GRIN2B: variants seen among roughly 807,000 people sequenced by gnomAD.
GRIN2B encodes glutamate ionotropic receptor NMDA type subunit 2B.
Under a neutral mutation model 114.5 loss-of-function variants are expected in GRIN2B, and 5 were observed. That is an observed-to-expected ratio of 0.04 (90% confidence interval 0.02 to 0.09). GRIN2B has a LOEUF of 0.09. GRIN2B is among the 10% of genes least tolerant of loss of function. The pLI, the probability that GRIN2B is intolerant of heterozygous loss-of-function variation, is 1.00. For synonymous variants in GRIN2B, 787 were observed against 745.1 expected, an observed-to-expected ratio of 1.06 and a Z score of -0.92; for missense variants, 1,108 against 1,943.5, an observed-to-expected ratio of 0.57 and a Z score of 8.08.
chr12:13,757,150 T>C (rs1863590196), intron 3 of GRIN2B, among the ~76,000 whole-genome samples: 1 of 152,240 alleles, frequency 6.6e-6, no homozygotes, highest in Non-Finnish European at 1.5e-5. Flanking sequence ...GGATGCTTTA[T>C]ATGACCATTT....
At chr12:13,858,339 C>A (rs928242255) in intron 3 of GRIN2B, among the ~76,000 whole-genome samples, 1 of 152,042 alleles carries the variant, frequency 6.6e-6, no homozygotes, top group African/African-American at 2.4e-5. Flanking sequence ...AGCAATAAAC[C>A]TTTATTGTAC....
At chr12:13,607,326 T>C (rs1260248102) in intron 10 of GRIN2B, among the ~76,000 whole-genome samples, 2 of 52,658 alleles carry the variant, frequency 3.8e-5, no homozygotes, top group Non-Finnish European at 6.8e-5. Context: ...ATAAAATATA[T>C]AATATATATT....
At chr12:13,675,484 AAAAC>A (rs1950064498) in intron 5 of GRIN2B, among the ~76,000 whole-genome samples, 1 of 152,164 alleles carries the variant, frequency 6.6e-6, no homozygotes, top group African/African-American at 2.4e-5. Context: ...CTCTCCCACA[AAAAC>A]AAAGTCAAGA....
intron 5 of GRIN2B, among the ~76,000 whole-genome samples, chr12:13,624,265 T>C (rs1414767808): frequency 1.3e-5 from 2 of 152,212 alleles, no homozygotes; most frequent in Non-Finnish European, 2.9e-5. Context: ...GAATAACAAC[T>C]ATGTTCTCAG....
chr12:13,932,101 C>T (rs1407540786), intron 2 of GRIN2B, among the ~76,000 whole-genome samples: 1 of 152,150 alleles, frequency 6.6e-6, no homozygotes, highest in Non-Finnish European at 1.5e-5. Context: ...TGATTCAGTT[C>T]CTATCTATCT....
chr12:13,746,012 G>A (rs1414387707), intron 4 of GRIN2B, among the ~76,000 whole-genome samples: 2 of 151,832 alleles, frequency 1.3e-5, no homozygotes, highest in African/African-American at 4.8e-5. Context: ...GAATTCTGCT[G>A]GGAGGAGGGA....
At chr12:13,630,931 T>G (rs1949610643) in intron 5 of GRIN2B, among the ~76,000 whole-genome samples, 1 of 152,098 alleles carries the variant, frequency 6.6e-6, no homozygotes, top group African/African-American at 2.4e-5. Flanking sequence ...AAACTCAAAA[T>G]CATGGTGGAA....
intron 2 of GRIN2B, among the ~76,000 whole-genome samples, chr12:13,947,316 G>T (rs533668875): frequency 6.6e-6 from 1 of 152,108 alleles, no homozygotes; most frequent in Non-Finnish European, 1.5e-5. Flanking sequence ...ACTGAGGCTC[G>T]CCATGTGAAT....
At chr12:13,821,450 A>T (rs1394578739) in intron 3 of GRIN2B, among the ~76,000 whole-genome samples, 1 of 152,224 alleles carries the variant, frequency 6.6e-6, no homozygotes, top group Non-Finnish European at 1.5e-5. Context: ...TGTCTGAAAG[A>T]TGCCTCATAT....
Position 13,543,626 on chromosome 12 carries a change from C to A in GRIN2B, c.*19157G>T, listed in dbSNP as rs574912464. On this transcript the variant is annotated 3_prime_UTR_variant, in exon 14 of 14. Coordinates refer to ENST00000609686, the MANE Select transcript of GRIN2B (RefSeq NM_000834.5). Reference sequence around the variant, plus strand: ...TAAAAACTCAAATAATTCCTTTATGCCCCCTAGCATGTCTCCTATATTTTT... The same window carrying A: ...TAAAAACTCAAATAATTCCTTTATGACCCCTAGCATGTCTCCTATATTTTT... The A allele has an allele frequency of 6.6e-6, 1 of 152,222 alleles. No individual in the cohort carries two copies. Among genetic ancestry groups the A allele is most frequent in the African/African-American group, 2.4e-5 (1 of 41,528 alleles). The allele number at this position is 152,222 out of a possible 1,614,324, so 9.4% of individuals were successfully genotyped here.
In GRIN2B at chr12:13,547,981, A is replaced by ATATATATATTTTTTTTTTTTTT; in HGVS notation, c.*14801_*14802insAAAAAAAAAAAAAATATATATA. 5.8e-5 allele frequency: 4 copies of ATATATATATTTTTTTTTTTTTT among 68,588 alleles called. No individual in the cohort carries two copies. Among genetic ancestry groups the ATATATATATTTTTTTTTTTTTT allele is most frequent in the South Asian group, 7.3e-4 (1 of 1,378 alleles). The allele number at this position is 68,588 out of a possible 1,614,324, so 4.2% of individuals were successfully genotyped here. On this transcript the variant is annotated 3_prime_UTR_variant, in exon 14 of 14. Coordinates refer to ENST00000609686, the MANE Select transcript of GRIN2B (RefSeq NM_000834.5). ...TGTGTATATATATATATATATATAT[A>ATATATATATTTTTTTTTTTTTT]TTTTTTTTTTTTTTCTGAAAGCTAC...
chr12:13,713,977 T>G (rs1478923668), intron 4 of GRIN2B, among the ~76,000 whole-genome samples: 1 of 151,876 alleles, frequency 6.6e-6, no homozygotes, highest in Non-Finnish European at 1.5e-5. Flanking sequence ...CAGTTTCTGT[T>G]TAGCATAGAC....
chr12:13,755,824 A>C (rs889010635), intron 3 of GRIN2B, among the ~76,000 whole-genome samples: 3 of 152,168 alleles, frequency 2.0e-5, no homozygotes, highest in Non-Finnish European at 4.4e-5. Flanking sequence ...GTATCAAGAG[A>C]TGAGTGAGGC....
chr12:13,971,288 T>C (rs754887892), intron 2 of GRIN2B, among the ~76,000 whole-genome samples: 8 of 152,190 alleles, frequency 5.3e-5, no homozygotes, highest in Middle Eastern at 3.2e-3. Flanking sequence ...TTTTATTCTT[T>C]TATAGTTTGT....
At position 13,893,520 on chromosome 12, in the gene GRIN2B, C is replaced by T. The variant is rs1195084281; in HGVS notation, c.-18-27294G>A. Among the ~76,000 whole-genome samples, 6 of 152,120 alleles carry T rather than the reference C, an allele frequency of 3.9e-5. No homozygotes were observed. The East Asian group carries it at 9.7e-4, about 25-fold the overall frequency. On this transcript the variant is annotated intron_variant, in intron 2 of 13. Transcript: ENST00000609686. ...ACCAAAATATTGGATGATAAATGTT[C>T]ATAAATTATTTGTTTAATCATTATT...
chr12:13,551,210 C>A lies in GRIN2B; in HGVS notation c.*11573G>T, dbSNP rs550364678. 4 of 152,212 alleles carry A rather than the reference C, an allele frequency of 2.6e-5. No individual in the cohort carries two copies. The highest frequency in any genetic ancestry group is 9.6e-5 in the African/African-American group (4 of 41,546). 9.4% of individuals were successfully genotyped at this position (152,212 alleles called of 1,614,324 possible). ...TGAGAATAGGGATTCTCAAGGAATT[C>A]TCCTACCCTTATTCCTCCCATTGAG... On this transcript the variant is annotated 3_prime_UTR_variant, in exon 14 of 14. Coordinates refer to ENST00000609686, the MANE Select transcript of GRIN2B (RefSeq NM_000834.5).
At chr12:13,965,580 C>CGT (rs1565603259) in intron 2 of GRIN2B, among the ~76,000 whole-genome samples, 8 of 151,300 alleles carry the variant, frequency 5.3e-5, no homozygotes, top group Middle Eastern at 3.2e-3. Context: ...CACACACACA[C>CGT]GTGTGTGTGA....
At chr12:13,910,670 G>A (rs1364803034) in intron 2 of GRIN2B, among the ~76,000 whole-genome samples, 6 of 152,078 alleles carry the variant, frequency 3.9e-5, no homozygotes, top group Admixed American at 6.5e-5. Context: ...GAAATTTTTT[G>A]TTATAAAATA....
chr12:13,718,404 A>G (rs1950477018), intron 4 of GRIN2B, among the ~76,000 whole-genome samples: 1 of 152,002 alleles, frequency 6.6e-6, no homozygotes, highest in African/African-American at 2.4e-5. Context: ...TATAGTTTCA[A>G]GTGCTGCGGA....
Sources: allele counts gnomAD v4.1 joint callset (sites outside exome capture counted in the v4.1 genomes callset), GRCh38; gene constraint gnomAD v4.1.1; transcripts MANE v1.5; gene names NCBI Gene and HGNC (gene_info 2026-07-23, HGNC 2026-07-21).